ZNF410: variants seen among roughly 807,000 people sequenced by gnomAD.
The protein encoded by ZNF410 is zinc finger protein 410, also known as another partner for ARF 1.
ZNF410 carries 18 observed loss-of-function variants against 54.8 expected under a neutral mutation model. That is an observed-to-expected ratio of 0.33 (90% confidence interval 0.23 to 0.49). The LOEUF (loss-of-function observed/expected upper bound fraction) is 0.49, where lower values mean the gene tolerates loss of function less well. Ranked by LOEUF, ZNF410 falls within the 20% of genes least tolerant of loss-of-function variation. The probability of loss-of-function intolerance (pLI) is 0.99; values close to 1 mark genes in which losing one functional copy is unlikely to be tolerated. For synonymous variants in ZNF410, 191 were observed against 207.3 expected (o/e 0.92, Z 0.68); for missense variants, 405 against 569.6 (o/e 0.71, Z 2.94).
rs909845561 is a variant in ZNF410 at position 73,932,423 on chromosome 14, T to C, written c.*882T>C. 2.2e-6 allele frequency: 1 copy of C among 452,516 alleles called. No homozygotes were observed. Among genetic ancestry groups the C allele is most frequent in the Non-Finnish European group, 4.4e-6 (1 of 226,054 alleles). 28.0% of individuals were successfully genotyped at this position (452,516 alleles called of 1,614,324 possible). On this transcript the variant is annotated 3_prime_UTR_variant, in exon 12 of 12. Coordinates refer to ENST00000555044, the MANE Select transcript of ZNF410 (RefSeq NM_021188.3). ...GGAGTCTTAGGAAACAACAAGAACA[T>C]CTTCATTTCTTAAGCCCAGGTGATA...
intron 7 of ZNF410, among the ~76,000 whole-genome samples, chr14:73,908,203 A>G (rs1330076145): frequency 1.3e-5 from 2 of 152,176 alleles, no homozygotes; most frequent in African/African-American, 4.8e-5. Flanking sequence ...CCGTTATCCC[A>G]GTGAAATAAC....
intron 1 of ZNF410, among the ~76,000 whole-genome samples, chr14:73,890,909 T>C (rs1390235542): frequency 6.6e-6 from 1 of 151,262 alleles, no homozygotes; most frequent in African/African-American, 2.4e-5. Flanking sequence ...ACTCCAGGAG[T>C]CTGAGGCAGA....
intron 8 of ZNF410, chr14:73,915,644 T>C (rs944147089): frequency 2.0e-5 from 3 of 152,042 alleles, no homozygotes; most frequent in Non-Finnish European, 4.4e-5. Context: ...TGGCCTTTCA[T>C]GATTAAATTT....
rs888491693 is a variant in ZNF410, at chr14:73,890,452, T to C, written c.-149-1575T>C. 1.1e-4 allele frequency among the ~76,000 whole-genome samples: 17 copies of C among 152,204 alleles called. No homozygotes were observed. The East Asian group carries it at 1.6e-3, about 14-fold the overall frequency. On this transcript the variant is annotated intron_variant, in intron 1 of 11. Transcript: ENST00000555044. ...ACCCACCCGCCTCGGCCTCCCAAAG[T>C]GCTGGGTTTACAGGCGTGAGCCACC...
chr14:73,922,241 T>C (rs148348570), intron 10 of ZNF410, 35 bp downstream of exon 10: 11 of 1,602,630 alleles, frequency 6.9e-6, no homozygotes, highest in East Asian at 2.2e-5. Context: ...TTGGGAAAAA[T>C]GGGCTGCAAC....
chr14:73,904,647 C>T (rs2055454914), intron 6 of ZNF410, among the ~76,000 whole-genome samples: 2 of 152,142 alleles, frequency 1.3e-5, no homozygotes, highest in African/African-American at 4.8e-5. Flanking sequence ...TTTTTAAAGA[C>T]AGGGTCTCGC....
At chr14:73,917,136 T>C (rs1471350177) in intron 8 of ZNF410, among the ~76,000 whole-genome samples, 1 of 152,246 alleles carries the variant, frequency 6.6e-6, no homozygotes, top group African/African-American at 2.4e-5. Flanking sequence ...TTTTGTACTT[T>C]ATTTTTTTCT....
rs535811865 is a variant in ZNF410, at chr14:73,896,085, A to G, written c.170-231A>G. The stretch of plus-strand genomic sequence containing the variant: ...TTGAATGGTTGGTTATTCACCAACC[A>G]TTACTGCCAAGTGACAGAGAATTCT... On this transcript the variant is annotated intron_variant, in intron 3 of 11. Transcript: ENST00000555044. The G allele has an allele frequency of 1.1e-4, 57 of 526,630 alleles. No homozygotes were observed. In the Admixed American group the frequency reaches 1.4e-3, roughly 13 times the overall value. The allele number at this position is 526,630 out of a possible 1,614,324, so 32.6% of individuals were successfully genotyped here. A position where few individuals can be genotyped will look rare whatever the true frequency, so the allele number is the denominator to read the frequency against.
intron 11 of ZNF410, among the ~76,000 whole-genome samples, chr14:73,928,229 A>C (rs2055862444): frequency 1.3e-5 from 2 of 152,198 alleles, no homozygotes; most frequent in Non-Finnish European, 2.9e-5. Flanking sequence ...GGAGGGATGA[A>C]TAGACATCAT....
At chr14:73,904,143 A>C in intron 6 of ZNF410, 33 bp downstream of exon 6, 4 of 1,589,042 alleles carry the variant, frequency 2.5e-6, no homozygotes, top group Non-Finnish European at 3.4e-6. Flanking sequence ...ATTTGGATAT[A>C]CGTTGATGCA....
chr14:73,896,533 A>C lies in ZNF410; in HGVS notation c.387A>C (p.Ala129=), dbSNP rs1173719950. The C allele has an allele frequency of 3.1e-6, 5 of 1,613,202 alleles. No homozygotes were observed. The highest frequency in any genetic ancestry group is 4.2e-6 in the Non-Finnish European group (5 of 1,179,778). ...TSFILLNLTR[A]GLGSSAEHLV... is the part of the protein sequence containing the mutation. ...TTATTCTTCTTAACCTAACAAGAGC[A>C]GGTATTCTTTCCTTTTTTTTGGGCT... Residue 129 remains alanine, a splice_region_variant and synonymous_variant, in exon 4 of 12, where the codon GCA becomes GCC. Coordinates refer to ENST00000555044, the MANE Select transcript of ZNF410 (RefSeq NM_021188.3).
Position 73,893,846 on chromosome 14 carries a change from T to C in ZNF410, c.83T>C (p.Leu28Pro). 2 of 1,614,144 alleles carry C rather than the reference T, an allele frequency of 1.2e-6. No homozygotes were observed. Among genetic ancestry groups the C allele is most frequent in the Non-Finnish European group, 1.7e-6 (2 of 1,180,018 alleles). Residue 28 changes from leucine (L) to proline (P), a missense_variant, in exon 3 of 12, where the codon CTT (leucine) becomes CCT (proline). By Grantham distance (98) the Leu-to-Pro change is moderately conservative (BLOSUM62 -3). Coordinates refer to ENST00000555044, the MANE Select transcript of ZNF410 (RefSeq NM_021188.3). ...QNTSIPLGQG[L>P]VESEAKDITC... Reference sequence around the variant, plus strand: ...ACGTCCATCCCATTGGGACAGGGGCTTGTAGAATCAGAAGCTAAAGATATT... The same window carrying C: ...ACGTCCATCCCATTGGGACAGGGGCCTGTAGAATCAGAAGCTAAAGATATT...
chr14:73,891,407 G>A (rs1306059687), intron 1 of ZNF410, among the ~76,000 whole-genome samples: 1 of 152,172 alleles, frequency 6.6e-6, no homozygotes, highest in East Asian at 1.9e-4. Flanking sequence ...AGGCTGGAGT[G>A]CAGTGGTCTG....
chr14:73,904,830 T>C (rs2055457485), intron 6 of ZNF410, 72 bp from the exon 7 acceptor site: 7 of 1,509,626 alleles, frequency 4.6e-6, no homozygotes, highest in Non-Finnish European at 6.3e-6. Context: ...TGAGAGTCAA[T>C]AGGGGCTTTG....
At chr14:73,928,336 C>CTT (rs2140333176) in intron 11 of ZNF410, among the ~76,000 whole-genome samples, 1 of 152,102 alleles carries the variant, frequency 6.6e-6, no homozygotes, top group Non-Finnish European at 1.5e-5. Context: ...CTCTGTGGAA[C>CTT]TGTAAATAGG....
chr14:73,925,279 TCTC>T (rs1240661334), intron 11 of ZNF410, among the ~76,000 whole-genome samples: 2 of 152,206 alleles, frequency 1.3e-5, no homozygotes, highest in Non-Finnish European at 2.9e-5. Flanking sequence ...CCTTCCTCTT[TCTC>T]CTCCATTTTT....
At chr14:73,910,010 G>C (rs1395830643) in intron 8 of ZNF410, among the ~76,000 whole-genome samples, 6 of 152,114 alleles carry the variant, frequency 3.9e-5, no homozygotes, top group African/African-American at 1.4e-4. Flanking sequence ...CTGTCAGTTT[G>C]CTCACTCTGT....
At chr14:73,921,220 TG>T (rs1594765219) in intron 9 of ZNF410, 115 bp downstream of exon 9, 1 of 1,368,112 alleles carries the variant, frequency 7.3e-7, no homozygotes, top group East Asian at 2.4e-5. Flanking sequence ...TAGATAGACC[TG>T]GTCTCATTTG....
chr14:73,899,332 T>A (rs1433322896), intron 5 of ZNF410, among the ~76,000 whole-genome samples: 1 of 151,850 alleles, frequency 6.6e-6, no homozygotes, highest in East Asian at 1.9e-4. Context: ...GGTCTCAAAC[T>A]CCTGGACTCA....
Sources: gnomAD v4.1 joint callset for allele counts (sites outside exome capture counted in the v4.1 genomes callset) on GRCh38, gnomAD v4.1.1 for gene constraint, MANE v1.5 for transcripts, NCBI Gene and HGNC (gene_info 2026-07-23, HGNC 2026-07-21) for gene names.